The following FOXK2 variants were observed in gnomAD, a reference collection of about 807,000 sequenced individuals.
The protein encoded by FOXK2 is forkhead box K2, also known as forkhead box protein K2.
FOXK2 carries 24 observed loss-of-function variants against 53.3 expected under a neutral mutation model. The ratio of observed to expected loss-of-function variants is 0.45; its 90% CI spans 0.33 to 0.63. The LOEUF (loss-of-function observed/expected upper bound fraction) is 0.63. Ranked by LOEUF, FOXK2 falls within the 30% of genes least tolerant of loss-of-function variation. The pLI is 0.03. For missense variants in FOXK2, 952 were observed against 910.5 expected (o/e 1.05, Z -0.59); for synonymous variants, 505 against 407.1 (o/e 1.24, Z -2.89).
intron 1 of FOXK2, among the ~76,000 whole-genome samples, chr17:82,527,584 G>A (rs991933899): frequency 2.0e-5 from 3 of 152,116 alleles, no homozygotes; most frequent in Non-Finnish European, 4.4e-5. Context: ...AGCTGAGATG[G>A]CGCCACTGTA....
At chr17:82,558,834 C>T (rs2044760420) in intron 1 of FOXK2, among the ~76,000 whole-genome samples, 1 of 152,110 alleles carries the variant, frequency 6.6e-6, no homozygotes, top group Non-Finnish European at 1.5e-5. Flanking sequence ...GCAAGCTCCG[C>T]CTCCTGGGTT....
chr17:82,588,635 C>A (rs1390483947), intron 8 of FOXK2, among the ~76,000 whole-genome samples: 1 of 152,156 alleles, frequency 6.6e-6, no homozygotes, highest in Non-Finnish European at 1.5e-5. Context: ...CCCCAGAGTT[C>A]CCGACTAGGC....
intron 1 of FOXK2, chr17:82,559,325 G>T (rs1235559303): frequency 4.4e-6 from 2 of 452,330 alleles, no homozygotes; most frequent in Admixed American, 4.7e-5. Context: ...ACTGGCTGGC[G>T]ACCGTGCGGA....
At chr17:82,556,589 G>T (rs1232268067) in intron 1 of FOXK2, among the ~76,000 whole-genome samples, 1 of 149,666 alleles carries the variant, frequency 6.7e-6, no homozygotes, top group African/African-American at 2.4e-5. Flanking sequence ...TGGGGCTGGG[G>T]CTGGGCTTGT....
rs2045424448 is a variant in FOXK2 at position 82,604,506 on chromosome 17, T to C, written c.*3007T>C. The C allele has an allele frequency of 6.6e-6, 1 of 152,670 alleles. No homozygotes were observed. The highest frequency in any genetic ancestry group is 2.4e-5 in the African/African-American group (1 of 41,464). The allele number at this position is 152,670 out of a possible 1,614,324, so 9.5% of individuals were successfully genotyped here. On this transcript the variant is annotated 3_prime_UTR_variant, in exon 9 of 9. Transcript: ENST00000335255. ...AATCTTGAAGTCCTAACTTCCACTA[T>C]TCTAGAAAGTATAGTGGTGATTTGT... is the stretch of plus-strand genomic sequence containing the variant.
chr17:82,548,703 T>C (rs978998039), intron 1 of FOXK2, among the ~76,000 whole-genome samples: 1 of 152,198 alleles, frequency 6.6e-6, no homozygotes, highest in African/African-American at 2.4e-5. Context: ...GCAGAAGGAA[T>C]TGCTGTGGAC....
chr17:82,551,668 G>C (rs1212910926), intron 1 of FOXK2, among the ~76,000 whole-genome samples: 1 of 152,144 alleles, frequency 6.6e-6, no homozygotes, highest in Admixed American at 6.6e-5. Context: ...GCAACAGAGC[G>C]AGTCTATCTA....
At chr17:82,557,489 G>T (rs547415090) in intron 1 of FOXK2, among the ~76,000 whole-genome samples, 2 of 151,600 alleles carry the variant, frequency 1.3e-5, no homozygotes, top group Non-Finnish European at 2.9e-5. Flanking sequence ...GATTACATGC[G>T]CGTGCCACCA....
chr17:82,586,966 C>G (rs1409009432), intron 7 of FOXK2, 97 bp from the exon 8 acceptor site: 1 of 1,051,882 alleles, frequency 9.5e-7, no homozygotes, highest in South Asian at 1.3e-5. Context: ...CATTTTCTAG[C>G]AGGTGTGATA....
intron 1 of FOXK2, among the ~76,000 whole-genome samples, chr17:82,547,619 C>T (rs1051128080): frequency 6.6e-6 from 1 of 152,068 alleles, no homozygotes; most frequent in African/African-American, 2.4e-5. Flanking sequence ...CTTATTTTTA[C>T]TTTAAACTTT....
rs1373961651 is a variant in FOXK2, at chr17:82,519,984, G to C, written c.96G>C (p.Pro32=). 2.3e-6 allele frequency: 3 copies of C among 1,325,908 alleles called. No individual in the cohort carries two copies. Among genetic ancestry groups the C allele is most frequent in the East Asian group, 3.1e-5 (1 of 32,062 alleles). 82.1% of individuals were successfully genotyped at this position (1,325,908 alleles called of 1,614,324 possible). A position where few individuals can be genotyped will look rare whatever the true frequency, so the allele number is the denominator to read the frequency against. Residue 32 remains proline, a synonymous_variant, in exon 1 of 9, where the codon CCG becomes CCC. Coordinates refer to ENST00000335255, the MANE Select transcript of FOXK2 (RefSeq NM_004514.4). ...GGGCCGGGGGCGGCGGGTCCCCGCC[G>C]GGCGGCTGGGCCGTGGCGCGCCTGG... ...GGGAGGGGSP[P]GGWAVARLEG...
At position 82,603,582 on chromosome 17, in the gene FOXK2, T is replaced by TC. The variant is rs1464941722; in HGVS notation, c.*2086dup. ...TCCAGAAGGAGTCGGGGGTAGACTT[T>TC]CCCGTGTAAGCTCAGTCCATAAACT... On this transcript the variant is annotated 3_prime_UTR_variant, in exon 9 of 9. Coordinates refer to ENST00000335255, the MANE Select transcript of FOXK2 (RefSeq NM_004514.4). 3 of 152,244 alleles carry TC rather than the reference T, an allele frequency of 2.0e-5. No individual in the cohort carries two copies. Among genetic ancestry groups the TC allele is most frequent in the Non-Finnish European group, 4.4e-5 (3 of 68,056 alleles). The allele number at this position is 152,244 out of a possible 1,614,324, so 9.4% of individuals were successfully genotyped here.
At chr17:82,533,471 T>C (rs896749291) in intron 1 of FOXK2, among the ~76,000 whole-genome samples, 1 of 150,084 alleles carries the variant, frequency 6.7e-6, no homozygotes, top group Non-Finnish European at 1.5e-5. Flanking sequence ...GCCTGGGTGA[T>C]GGAGTGAGAC....
chr17:82,537,375 C>G (rs566625651), intron 1 of FOXK2, among the ~76,000 whole-genome samples: 1 of 151,904 alleles, frequency 6.6e-6, no homozygotes, highest in South Asian at 2.1e-4. Context: ...CGGGCGGGCA[C>G]GGTGGCTCAC....
chr17:82,531,490 G>A (rs1248836738), intron 1 of FOXK2, among the ~76,000 whole-genome samples: 7 of 152,072 alleles, frequency 4.6e-5, no homozygotes, highest in Admixed American at 3.9e-4. Flanking sequence ...TGATTTCATT[G>A]TTGTGCGAAC....
chr17:82,532,292 C>G (rs565335352), intron 1 of FOXK2, among the ~76,000 whole-genome samples: 29 of 151,680 alleles, frequency 1.9e-4, no homozygotes, highest in African/African-American at 7.0e-4. Flanking sequence ...TTACCAGCAC[C>G]CGAGACCAGC....
At chr17:82,535,324 T>A (rs988494838) in intron 1 of FOXK2, among the ~76,000 whole-genome samples, 4 of 152,264 alleles carry the variant, frequency 2.6e-5, no homozygotes, top group Admixed American at 6.5e-5. Context: ...CCTGTGAGTT[T>A]ATCCTACTTG....
intron 1 of FOXK2, chr17:82,559,401 C>G (rs1337069643): frequency 4.4e-6 from 2 of 456,372 alleles, no homozygotes; most frequent in Admixed American, 2.3e-5. Flanking sequence ...GGCGGAGCCA[C>G]TTGGCATCCA....
chr17:82,583,319 C>T (rs1019926076), intron 5 of FOXK2, among the ~76,000 whole-genome samples: 2 of 152,004 alleles, frequency 1.3e-5, no homozygotes, highest in African/African-American at 2.4e-5. Context: ...CCGAGGCGGG[C>T]GGATCACCTG....
Sources: gnomAD v4.1 joint callset for allele counts (sites outside exome capture counted in the v4.1 genomes callset) on GRCh38, gnomAD v4.1.1 for gene constraint, MANE v1.5 for transcripts, NCBI Gene and HGNC (gene_info 2026-07-23, HGNC 2026-07-21) for gene names.